Variants in NOS3 observed in about 807,000 individuals in gnomAD.
The protein encoded by NOS3 is NOS type III.
A neutral mutation model predicts 144.9 loss-of-function variants in NOS3; 98 were observed. The observed-to-expected ratio is 0.68, with a 90% CI of 0.57 to 0.80. The LOEUF is 0.80. Ranked by LOEUF, NOS3 falls within the 30% of genes least tolerant of loss-of-function variation. NOS3 has a pLI of 0.00. For synonymous variants in NOS3, 714 were observed against 702.4 expected (o/e 1.02, Z -0.26); for missense variants, 1,465 against 1,656.4 (o/e 0.88, Z 2.01).
chr7:151,012,047 A>C (rs1024660919), intron 23 of NOS3: 5 of 347,600 alleles, frequency 1.4e-5, no homozygotes, highest in Non-Finnish European at 2.2e-5. Flanking sequence ...ACTTAAAATA[A>C]ACACACTTAG....
rs1198231353 is a variant in NOS3 at position 151,013,514 on chromosome 7, G to T, written c.3255+135G>T. 3 of 1,235,926 alleles carry T rather than the reference G, an allele frequency of 2.4e-6. No homozygotes were observed. In the African/African-American group the frequency reaches 4.5e-5, roughly 19 times the overall value. 76.6% of individuals were successfully genotyped at this position (1,235,926 alleles called of 1,614,324 possible). On this transcript the variant is annotated intron_variant, in intron 25 of 26. Transcript: ENST00000297494. Reference sequence around the variant, plus strand: ...CACTCAGCCACCCCTGCACACTCTGGCCCACCCTTGTGCCCCGGCCCCTCT... The same window carrying T: ...CACTCAGCCACCCCTGCACACTCTGTCCCACCCTTGTGCCCCGGCCCCTCT...
At chr7:151,000,640 A>G (rs2117115585) in intron 10 of NOS3, 41 bp downstream of exon 10, 1 of 1,360,724 alleles carries the variant, frequency 7.3e-7, no homozygotes, top group Non-Finnish European at 1.0e-6. Flanking sequence ...AAGGGTTTGC[A>G]TACGGGGGCA....
chr7:151,010,707 G>A lies in NOS3; in HGVS notation c.2796G>A (p.Leu932=), dbSNP rs771755315. 3.1e-6 allele frequency: 5 copies of A among 1,612,362 alleles called. No individual in the cohort carries two copies. The African/African-American group carries it at 4.0e-5, about 13-fold the overall frequency. Residue 932 remains leucine (L), a synonymous_variant, in exon 22 of 27, where the codon CTG becomes CTA. Transcript: ENST00000297494. ...CTGCCCCACTGCTCCTCACCCAGCT[G>A]CCTCTGCTCCAGCCCCGGTACTACT... ...ALPAPLLLTQ[L]PLLQPRYYSV... is the part of the protein sequence containing the mutation.
In NOS3 at chr7:151,001,829, A is replaced by T. The variant is rs1435006114; in HGVS notation, c.1511A>T (p.Lys504Met). Residue 504 changes from lysine to methionine, a missense_variant, in exon 13 of 27, where the codon AAG becomes ATG. Physicochemically the swap from Lys to Met is moderately conservative, Grantham distance 95. Around this residue, in one of 5 missense-constraint regions of NOS3, gnomAD observed 745 missense variants for 853.9 expected, o/e 0.87. Transcript: ENST00000297494. ...KTFKEVANAV[K>M]ISASLMGTVM... Reference sequence around the variant, plus strand: ...ACCTTCCTCTCCCGCAGCGCCGTGAAGATCTCCGCCTCGCTCATGGGCACG... The same window carrying T: ...ACCTTCCTCTCCCGCAGCGCCGTGATGATCTCCGCCTCGCTCATGGGCACG... 4 of 1,613,626 alleles carry T rather than the reference A, an allele frequency of 2.5e-6. No homozygotes were observed. Among genetic ancestry groups the T allele is most frequent in the Non-Finnish European group, 3.4e-6 (4 of 1,180,036 alleles).
In NOS3 at chr7:150,998,987, C is replaced by T. The variant is rs1584901988; in HGVS notation, c.858C>T (p.Phe286=). The T allele has an allele frequency of 5.6e-6, 9 of 1,612,606 alleles. No individual in the cohort carries two copies. Among genetic ancestry groups the T allele is most frequent in the Middle Eastern group, 1.7e-4 (1 of 6,054 alleles). ...QHGWTPGNGR[F]DVLPLLLQAP... is the part of the protein sequence containing the mutation. ...GCTGGACCCCAGGAAACGGTCGCTTCGACGTGCTGCCCCTGCTGCTGCAGG... is the reference window on the plus strand; with the variant it reads ...GCTGGACCCCAGGAAACGGTCGCTTTGACGTGCTGCCCCTGCTGCTGCAGG... Residue 286 remains phenylalanine (F), a synonymous_variant, in exon 8 of 27, where the codon TTC becomes TTT. Transcript: ENST00000297494. The surrounding 1 kb of genome is among the most constrained non-coding windows in gnomAD (Gnocchi z 5.0).
At position 150,996,845 on chromosome 7, in the gene NOS3, A is replaced by C; in HGVS notation, c.502A>C (p.Ser168Arg). Residue 168 changes from serine (S) to arginine (R), a missense_variant, in exon 5 of 27, where the codon AGC (serine) becomes CGC (arginine). By Grantham distance (110) the Ser-to-Arg change is moderately radical. Transcript: ENST00000297494. ...CACAGGCACCTACCAGCTTAGGGAG[A>C]GCGAGCTGGTGTTCGGGGCTAAGCA... is the stretch of plus-strand genomic sequence containing the variant. ...AATGTYQLRE[S>R]ELVFGAKQAW... 1 of 1,607,288 alleles carries C rather than the reference A, an allele frequency of 6.2e-7. No individual in the cohort carries two copies. Among genetic ancestry groups the C allele is most frequent in the Non-Finnish European group, 8.5e-7 (1 of 1,177,744 alleles).
rs1315924920 is a variant in NOS3 at position 150,998,242 on chromosome 7, C to T, written c.583-115C>T. On this transcript the variant is annotated intron_variant, in intron 5 of 26. Coordinates refer to ENST00000297494, the MANE Select transcript of NOS3 (RefSeq NM_000603.5). This position sits in a 1 kb window ranked among gnomAD's most constrained non-coding sequence, Gnocchi z 5.0. ...GTGTGGCTGCCAATGGTCAGGAGGGCGCCATGGAGTGAACCATGGCCCCTG... is the reference window on the plus strand; with the variant it reads ...GTGTGGCTGCCAATGGTCAGGAGGGTGCCATGGAGTGAACCATGGCCCCTG... 29 of 838,644 alleles carry T rather than the reference C, an allele frequency of 3.5e-5. No individual in the cohort carries two copies. The highest frequency in any genetic ancestry group is 7.9e-5 in the East Asian group (3 of 37,886). The allele number at this position is 838,644 out of a possible 1,614,324, so 52.0% of individuals were successfully genotyped here. A position where few individuals can be genotyped will look rare whatever the true frequency, so the allele number is the denominator to read the frequency against.
Position 151,001,527 on chromosome 7 carries a change from C to T in NOS3, c.1429-17C>T, listed in dbSNP as rs1177248120. 7 of 1,613,312 alleles carry T rather than the reference C, an allele frequency of 4.3e-6. No individual in the cohort carries two copies. Among genetic ancestry groups the T allele is most frequent in the South Asian group, 1.1e-5 (1 of 91,064 alleles). Reference sequence around the variant, plus strand: ...CTTTTCTTTACCTCCCCTCCCAACCCCATCATCTCTCTGCAGCCAGACCCC... The same window carrying T: ...CTTTTCTTTACCTCCCCTCCCAACCTCATCATCTCTCTGCAGCCAGACCCC... On this transcript the variant is annotated splice_polypyrimidine_tract_variant and intron_variant, in intron 11 of 26. Transcript: ENST00000297494.
Position 151,009,519 on chromosome 7 carries a change from C to T in NOS3, c.2446C>T (p.Arg816Cys), listed in dbSNP as rs1450367127. 1 of 1,546,504 alleles carries T rather than the reference C, an allele frequency of 6.5e-7. No individual in the cohort carries two copies. Among genetic ancestry groups the T allele is most frequent in the Non-Finnish European group, 8.7e-7 (1 of 1,146,218 alleles). ...RPGLVEALLS[R>C]VEDPPAPTEP... ...CGGCCTTGTGGAGGCGCTGCTGAGC[C>T]GCGTGGAGGACCCGCCGGCGCCCAC... is the stretch of plus-strand genomic sequence containing the variant. The change falls in exon 20 of 27, where the codon CGC (arginine) becomes TGC (cysteine). Residue 816 changes from arginine (R) to cysteine (C), a missense_variant. Arg to Cys is a radical substitution (Grantham distance 180). Transcript: ENST00000297494.
intron 17 of NOS3, among the ~76,000 whole-genome samples, chr7:151,008,632 C>T (rs1332621655): frequency 1.3e-5 from 2 of 152,216 alleles, no homozygotes; most frequent in African/African-American, 2.4e-5. Context: ...AACACACAGA[C>T]GCCTTCACAG....
At chr7:151,006,160 G>A (rs777338575) in intron 14 of NOS3, among the ~76,000 whole-genome samples, 2 of 152,142 alleles carry the variant, frequency 1.3e-5, no homozygotes, top group East Asian at 3.9e-4. Flanking sequence ...GCACATGCAC[G>A]TAAGTTCAAG....
chr7:151,012,847 C>A, intron 24 of NOS3: 1 of 336,694 alleles, frequency 3.0e-6, no homozygotes, highest in Non-Finnish European at 5.5e-6. Flanking sequence ...ATGGGGTGCC[C>A]AGGGTGGTCT....
chr7:150,999,829 G>T (rs1356787438), intron 9 of NOS3, among the ~76,000 whole-genome samples: 3 of 140,230 alleles, frequency 2.1e-5, no homozygotes, highest in African/African-American at 5.4e-5. Context: ...GGTTTGTGGG[G>T]TGTGTAGGGG....
chr7:151,000,774 G>C, intron 10 of NOS3, among the ~76,000 whole-genome samples, 175 bp downstream of exon 10: 1 of 152,182 alleles, frequency 6.6e-6, no homozygotes. Flanking sequence ...GGACAGGGCA[G>C]GTACTATTCC....
Position 151,008,932 on chromosome 7 carries a change from C to T in NOS3, c.2115C>T (p.Ala705=), listed in dbSNP as rs1290430105. 1.2e-6 allele frequency: 2 copies of T among 1,607,820 alleles called. No homozygotes were observed. The highest frequency in any genetic ancestry group is 1.7e-6 in the Non-Finnish European group (2 of 1,178,098). Residue 705 remains alanine (A), a splice_region_variant and synonymous_variant, in exon 18 of 27, where the codon GCC becomes GCT. Transcript: ENST00000297494. ...GCCCTCACCGGCCTGTCCCGCAGGC[C>T]GCCTGTGAGACCTTCTGTGTGGGAG... ...FRGWAQAAFQ[A]ACETFCVGED... is the part of the protein sequence containing the mutation.
At chr7:150,995,360 G>A (rs756006081) in intron 3 of NOS3, 46 bp downstream of exon 3, 5 of 1,343,392 alleles carry the variant, frequency 3.7e-6, no homozygotes, top group Non-Finnish European at 3.2e-6. Flanking sequence ...GGAAAGGGTG[G>A]GTAAGGCCTG....
intron 14 of NOS3, 54 bp from the exon 15 acceptor site, chr7:151,006,373 A>C (rs1795206171): frequency 8.1e-7 from 1 of 1,241,672 alleles, no homozygotes. Context: ...TTAAACTTCT[A>C]TGTAGTTTGA....
At position 151,007,240 on chromosome 7, in the gene NOS3, G is replaced by A. The variant is rs778063544; in HGVS notation, c.2076G>A (p.Glu692=). 2 of 1,606,872 alleles carry A rather than the reference G, an allele frequency of 1.2e-6. No individual in the cohort carries two copies. Among genetic ancestry groups the A allele is most frequent in the East Asian group, 2.2e-5 (1 of 44,824 alleles). The change falls in exon 17 of 27, where the codon GAG becomes GAA. Residue 692 remains glutamate (E), a synonymous_variant. Coordinates refer to ENST00000297494, the MANE Select transcript of NOS3 (RefSeq NM_000603.5). ...AGGGCGACGAGCTGTGCGGCCAGGA[G>A]GAGGCCTTCCGAGGCTGGGCCCAGG... ...LGQGDELCGQ[E]EAFRGWAQAA...
chr7:151,012,393 C>T lies in NOS3; in HGVS notation c.3027C>T (p.Cys1009=), dbSNP rs761490422. 2.5e-6 allele frequency: 4 copies of T among 1,597,484 alleles called. No individual in the cohort carries two copies. The highest frequency in any genetic ancestry group is 1.8e-5 in the Admixed American group (1 of 56,064). Reference sequence around the variant, plus strand: ...TGCCACCCGATCCCAGCTTGCCCTGCATCCTGGTGGGTCCAGGCACTGGCA... The same window carrying T: ...TGCCACCCGATCCCAGCTTGCCCTGTATCCTGGTGGGTCCAGGCACTGGCA... ...FRLPPDPSLP[C]ILVGPGTGIA... is the part of the protein sequence containing the mutation. The change falls in exon 24 of 27, where the codon TGC becomes TGT. Residue 1009 remains cysteine, a synonymous_variant. Transcript: ENST00000297494.
Sources: allele counts gnomAD v4.1 joint callset (sites outside exome capture counted in the v4.1 genomes callset), GRCh38; gene constraint gnomAD v4.1.1; regional missense constraint gnomAD v4.1.1; non-coding constraint Gnocchi (gnomAD v3.1); transcripts MANE v1.5; gene names NCBI Gene and HGNC (gene_info 2026-07-23, HGNC 2026-07-21).